The following CHST8 variants were observed in gnomAD, a reference collection of about 807,000 sequenced individuals.
CHST8 encodes the protein GALNAC-4-ST1.
In CHST8, 10 loss-of-function variants were observed where a neutral mutation model predicts 15.0. The ratio of observed to expected loss-of-function variants is 0.67; its 90% confidence interval spans 0.41 to 1.13. The LOEUF is 1.13. Among genes scored for constraint, CHST8 ranks in the 50% most tolerant of loss-of-function variants. The probability of loss-of-function intolerance (pLI) is 0.00; values close to 1 mark genes in which losing one functional copy is unlikely to be tolerated. For synonymous variants in CHST8, 259 were observed against 256.6 expected (o/e 1.01, Z -0.09); for missense variants, 634 against 608.2 (o/e 1.04, Z -0.45).
intron 3 of CHST8, among the ~76,000 whole-genome samples, chr19:33,739,830 A>T (rs1974153555): frequency 6.6e-6 from 1 of 152,082 alleles, no homozygotes; most frequent in Non-Finnish European, 1.5e-5. Flanking sequence ...TCAAAAAGAG[A>T]TGGTCAAAGA....
chr19:33,733,549 A>T (rs749684266), intron 3 of CHST8, among the ~76,000 whole-genome samples: 1 of 152,114 alleles, frequency 6.6e-6, no homozygotes, highest in Non-Finnish European at 1.5e-5. Context: ...TATATTCTTG[A>T]TACCACAGCC....
intron 1 of CHST8, among the ~76,000 whole-genome samples, chr19:33,632,137 CTCT>C (rs1359443327): frequency 1.5e-5 from 2 of 132,780 alleles, no homozygotes; most frequent in Non-Finnish European, 3.3e-5. Context: ...CTCTCTCTCT[CTCT>C]TTTTTTTTTT....
At chr19:33,660,648 C>T (rs1293680596) in intron 1 of CHST8, among the ~76,000 whole-genome samples, 1 of 152,214 alleles carries the variant, frequency 6.6e-6, no homozygotes, top group Non-Finnish European at 1.5e-5. Context: ...GCCCCTTTCA[C>T]ATCAGCAACC....
At chr19:33,712,746 C>T (rs1973581591) in intron 3 of CHST8, among the ~76,000 whole-genome samples, 1 of 152,156 alleles carries the variant, frequency 6.6e-6, no homozygotes, top group South Asian at 2.1e-4. Flanking sequence ...TGAGTAGGGG[C>T]TGACCCAAGC....
intron 3 of CHST8, among the ~76,000 whole-genome samples, chr19:33,706,233 C>G (rs114400565): frequency 6.6e-6 from 1 of 152,160 alleles, no homozygotes; most frequent in African/African-American, 2.4e-5. Context: ...GGGAGCTGCA[C>G]GGCACTGCCC....
chr19:33,654,690 T>C lies in CHST8; in HGVS notation c.-163-13077T>C, dbSNP rs547498929. 5.9e-4 allele frequency among the ~76,000 whole-genome samples: 89 copies of C among 152,042 alleles called. 1 individual carries two copies. Among genetic ancestry groups the C allele is most frequent in the Admixed American group, 1.6e-3 (24 of 15,274 alleles). ...TTCCCCCTGCCTCCCAGAATGAAAA[T>C]ATAAAAATATTTTCTTTTAGACAGG... On this transcript the variant is annotated intron_variant, in intron 1 of 4. Transcript: ENST00000650847.
chr19:33,689,292 G>T lies in CHST8; in HGVS notation c.31G>T (p.Ala11Ser), dbSNP rs754261375. The stretch of plus-strand genomic sequence containing the variant: ...CCTGCGACCTGGAACAATGCGGCTG[G>T]CCTGCATGTTCTCTTCCATCCTGCT... MTLRPGTMRL[A>S]CMFSSILLFG... Residue 11 changes from alanine to serine, a missense_variant, in exon 3 of 5, where the codon GCC (alanine) becomes TCC (serine). By Grantham distance (99) the Ala-to-Ser change is moderately conservative. Transcript: ENST00000650847. 1 of 1,607,580 alleles carries T rather than the reference G, an allele frequency of 6.2e-7. No homozygotes were observed. Among genetic ancestry groups the T allele is most frequent in the South Asian group, 1.1e-5 (1 of 90,138 alleles).
intron 1 of CHST8, among the ~76,000 whole-genome samples, chr19:33,649,563 T>G (rs980254606): frequency 1.3e-5 from 2 of 152,088 alleles, no homozygotes; most frequent in African/African-American, 4.8e-5. Flanking sequence ...CTATGAACAT[T>G]CATGAGGGGG....
chr19:33,758,470 G>T (rs1157787042), intron 3 of CHST8, among the ~76,000 whole-genome samples: 1 of 152,216 alleles, frequency 6.6e-6, no homozygotes, highest in African/African-American at 2.4e-5. Context: ...TGCAGTGGGG[G>T]TCACTTCAAA....
intron 3 of CHST8, among the ~76,000 whole-genome samples, chr19:33,693,379 C>T (rs1482866957): frequency 2.6e-5 from 4 of 152,196 alleles, no homozygotes. Flanking sequence ...CCACTGAACT[C>T]ATTCCTTAAT....
chr19:33,763,635 T>C (rs1974778357), intron 3 of CHST8, among the ~76,000 whole-genome samples: 2 of 152,188 alleles, frequency 1.3e-5, no homozygotes, highest in Non-Finnish European at 2.9e-5. Context: ...TGAACACAGA[T>C]GAGAATTGAA....
At chr19:33,731,996 C>G (rs550054704) in intron 3 of CHST8, among the ~76,000 whole-genome samples, 30 of 152,302 alleles carry the variant, frequency 2.0e-4, no homozygotes, top group African/African-American at 7.2e-4. Context: ...GTCCCTTAAT[C>G]CACACACTGC....
At chr19:33,745,662 C>T (rs550221352) in intron 3 of CHST8, among the ~76,000 whole-genome samples, 8 of 152,310 alleles carry the variant, frequency 5.3e-5, no homozygotes, top group African/African-American at 1.7e-4. Context: ...GTGAGGGCAC[C>T]GGGTGGGGAT....
intron 2 of CHST8, among the ~76,000 whole-genome samples, chr19:33,688,201 A>G (rs1600264253): frequency 1.3e-5 from 2 of 152,296 alleles, no homozygotes; most frequent in Middle Eastern, 6.8e-3. Flanking sequence ...GCAGGAACTT[A>G]TATTCTTCCT....
At chr19:33,631,192 T>A (rs73029360) in intron 1 of CHST8, among the ~76,000 whole-genome samples, 6,655 of 152,332 alleles carry the variant, frequency 0.044, 192 homozygotes, top group Non-Finnish European at 0.067. Context: ...TCTCTCTGGC[T>A]TGCTGAGGCC....
At chr19:33,736,507 CT>C (rs1160168531) in intron 3 of CHST8, among the ~76,000 whole-genome samples, 1 of 152,160 alleles carries the variant, frequency 6.6e-6, no homozygotes, top group African/African-American at 2.4e-5. Flanking sequence ...TTCCGAGGCA[CT>C]CTCTGGTGTC....
intron 3 of CHST8, among the ~76,000 whole-genome samples, chr19:33,746,090 C>A (rs922804356): frequency 7.9e-5 from 12 of 152,204 alleles, no homozygotes; most frequent in African/African-American, 2.9e-4. Flanking sequence ...TTTATAAAAG[C>A]CTTTTCCTTC....
chr19:33,649,440 G>A (rs538249404), intron 1 of CHST8, among the ~76,000 whole-genome samples: 21 of 152,258 alleles, frequency 1.4e-4, no homozygotes, highest in African/African-American at 3.1e-4. Flanking sequence ...GGCCGGAAGC[G>A]CAGCCTCCAC....
intron 1 of CHST8, among the ~76,000 whole-genome samples, chr19:33,652,209 A>G (rs1972457362): frequency 6.6e-6 from 1 of 151,924 alleles, no homozygotes; most frequent in African/African-American, 2.4e-5. Flanking sequence ...CTATTTTACC[A>G]TATATTAATA....
Sources: allele counts gnomAD v4.1 joint callset (sites outside exome capture counted in the v4.1 genomes callset), GRCh38; gene constraint gnomAD v4.1.1; transcripts MANE v1.5; gene names NCBI Gene and HGNC (gene_info 2026-07-23, HGNC 2026-07-21).